MACROD2: variants seen among roughly 807,000 people sequenced by gnomAD.
MACROD2 encodes the protein ADP-ribose glycohydrolase MACROD2.
In MACROD2, 36 loss-of-function variants were observed where a neutral mutation model predicts 70.4. The ratio of observed to expected loss-of-function variants is 0.51; its 90% CI spans 0.39 to 0.68. The LOEUF is 0.68. MACROD2 is among the 30% of genes least tolerant of loss of function. The pLI is 0.00. For missense variants in MACROD2, 496 were observed against 538.4 expected, an observed-to-expected ratio of 0.92 and a Z score of 0.78; for synonymous variants, 172 against 178.8, an observed-to-expected ratio of 0.96 and a Z score of 0.30.
At chr20:14,719,530 G>A (rs1208787897) in intron 5 of MACROD2, among the ~76,000 whole-genome samples, 1 of 151,810 alleles carries the variant, frequency 6.6e-6, no homozygotes, top group Non-Finnish European at 1.5e-5. Context: ...AAAAAGGGAT[G>A]GGAATTTTGC....
chr20:14,973,477 C>G lies in MACROD2; in HGVS notation c.419-256463C>G, dbSNP rs955288494. 3.9e-5 allele frequency among the ~76,000 whole-genome samples: 6 copies of G among 152,194 alleles called. 1 individual carries two copies. In the East Asian group the frequency reaches 1.2e-3, roughly 29 times the overall value. On this transcript the variant is annotated intron_variant, in intron 5 of 17. Transcript: ENST00000684519. Reference sequence around the variant, plus strand: ...ACTTGAAGTGATCTGCCCACCTCAGCCTCCCAAAGTGGTGGGATTACAGGC... The same window carrying G: ...ACTTGAAGTGATCTGCCCACCTCAGGCTCCCAAAGTGGTGGGATTACAGGC...
At chr20:15,186,185 G>T (rs1423833643) in intron 5 of MACROD2, among the ~76,000 whole-genome samples, 1 of 152,024 alleles carries the variant, frequency 6.6e-6, no homozygotes, top group African/African-American at 2.4e-5. Context: ...TTCACATTTT[G>T]GGGGTATCTG....
intron 7 of MACROD2, among the ~76,000 whole-genome samples, chr20:15,441,046 A>G (rs2046488753): frequency 6.6e-6 from 1 of 152,184 alleles, no homozygotes; most frequent in South Asian, 2.1e-4. Flanking sequence ...TATCTCTATC[A>G]TAGCTCGTTT....
At chr20:14,790,212 T>C (rs1204918125) in intron 5 of MACROD2, among the ~76,000 whole-genome samples, 2 of 152,186 alleles carry the variant, frequency 1.3e-5, no homozygotes, top group African/African-American at 4.8e-5. Flanking sequence ...AGACTGCAAA[T>C]ATGCCATAGC....
At chr20:15,799,742 A>T (rs750090567) in intron 8 of MACROD2, among the ~76,000 whole-genome samples, 1 of 152,238 alleles carries the variant, frequency 6.6e-6, no homozygotes, top group Non-Finnish European at 1.5e-5. Flanking sequence ...ACAGTGCAGC[A>T]ATAAACAGGT....
intron 5 of MACROD2, among the ~76,000 whole-genome samples, chr20:14,727,368 A>C (rs1037475329): frequency 2.0e-5 from 3 of 152,012 alleles, no homozygotes; most frequent in African/African-American, 7.3e-5. Flanking sequence ...CTGTCTCTAC[A>C]AAAAAATAAT....
chr20:14,427,981 C>T (rs1052088592), intron 3 of MACROD2, among the ~76,000 whole-genome samples: 1 of 152,026 alleles, frequency 6.6e-6, no homozygotes, highest in Non-Finnish European at 1.5e-5. Context: ...TATTTGTAAC[C>T]TTATCATAAT....
chr20:15,909,705 A>G (rs6080014), intron 10 of MACROD2, among the ~76,000 whole-genome samples: 9,855 of 151,344 alleles, frequency 0.065, 417 homozygotes, highest in African/African-American at 0.11. Flanking sequence ...TTGTATTTTT[A>G]GTAGAGACGG....
At chr20:14,804,656 T>C (rs2072617139) in intron 5 of MACROD2, among the ~76,000 whole-genome samples, 1 of 151,974 alleles carries the variant, frequency 6.6e-6, no homozygotes, top group Admixed American at 6.6e-5. Flanking sequence ...GGTCTTCTGA[T>C]AGTGCTTCTC....
At chr20:14,926,075 A>G (rs961143022) in intron 5 of MACROD2, among the ~76,000 whole-genome samples, 10 of 152,130 alleles carry the variant, frequency 6.6e-5, no homozygotes, top group African/African-American at 1.2e-4. Context: ...TCAGTAAGGC[A>G]CCTGGGACAG....
At chr20:14,725,377 G>T (rs2071516684) in intron 5 of MACROD2, among the ~76,000 whole-genome samples, 2 of 152,096 alleles carry the variant, frequency 1.3e-5, no homozygotes, top group Non-Finnish European at 2.9e-5. Flanking sequence ...ATGGAAAAAA[G>T]AAGCTTCCCC....
intron 2 of MACROD2, among the ~76,000 whole-genome samples, chr20:14,080,763 T>G (rs1301992438): frequency 6.6e-6 from 1 of 152,170 alleles, no homozygotes; most frequent in East Asian, 1.9e-4. Context: ...TCAATTATTC[T>G]AGTTTCCTCT....
intron 5 of MACROD2, among the ~76,000 whole-genome samples, chr20:14,983,470 G>T (rs1251230641): frequency 1.3e-5 from 2 of 152,242 alleles, no homozygotes; most frequent in South Asian, 2.1e-4. Flanking sequence ...TCCATATGTT[G>T]TGGGAGGGAC....
intron 7 of MACROD2, among the ~76,000 whole-genome samples, chr20:15,459,524 C>A (rs955101847): frequency 6.6e-6 from 1 of 152,108 alleles, no homozygotes; most frequent in East Asian, 1.9e-4. Flanking sequence ...CCATCCTGAT[C>A]ATTAACTAAT....
chr20:14,503,191 G>T (rs956769190), intron 4 of MACROD2, among the ~76,000 whole-genome samples: 1 of 152,180 alleles, frequency 6.6e-6, no homozygotes, highest in Non-Finnish European at 1.5e-5. Context: ...CCAGCAGGCA[G>T]TCAGGCCTGG....
At chr20:15,028,311 G>A (rs2075249044) in intron 5 of MACROD2, among the ~76,000 whole-genome samples, 1 of 152,220 alleles carries the variant, frequency 6.6e-6, no homozygotes, top group African/African-American at 2.4e-5. Context: ...AGGAAGGGCA[G>A]TCAGAGGAGG....
intron 2 of MACROD2, among the ~76,000 whole-genome samples, chr20:14,080,495 C>A (rs1353590344): frequency 7.0e-6 from 1 of 143,182 alleles, no homozygotes; most frequent in African/African-American, 2.6e-5. Flanking sequence ...TAAAAAATTC[C>A]AGTAAAACAA....
At chr20:14,961,540 G>C (rs1334330966) in intron 5 of MACROD2, among the ~76,000 whole-genome samples, 1 of 151,972 alleles carries the variant, frequency 6.6e-6, no homozygotes, top group Non-Finnish European at 1.5e-5. Flanking sequence ...GTTTTGTTTT[G>C]TTTTTGAGAC....
At chr20:14,315,400 A>C (rs2082604315) in intron 3 of MACROD2, among the ~76,000 whole-genome samples, 1 of 152,212 alleles carries the variant, frequency 6.6e-6, no homozygotes, top group African/African-American at 2.4e-5. Flanking sequence ...TTTGAAGTTC[A>C]TTCATTCTTT....
Sources: allele counts gnomAD v4.1 joint callset (sites outside exome capture counted in the v4.1 genomes callset), GRCh38; gene constraint gnomAD v4.1.1; transcripts MANE v1.5; gene names NCBI Gene and HGNC (gene_info 2026-07-23, HGNC 2026-07-21).